ACACA: variants seen among roughly 807,000 people sequenced by gnomAD.
ACACA encodes the protein acetyl-CoA carboxylase alpha.
A neutral mutation model predicts 296.1 loss-of-function variants in ACACA; 103 were observed. The ratio of observed to expected loss-of-function variants is 0.35; its 90% CI spans 0.30 to 0.41. The LOEUF is 0.41. Ranked by LOEUF, ACACA falls within the 10% of genes least tolerant of loss-of-function variation. ACACA has a pLI of 1.00. For missense variants in ACACA, 1,554 were observed against 2,989.7 expected, an observed-to-expected ratio of 0.52 and a Z score of 11.20; for synonymous variants, 953 against 1,038.6, an observed-to-expected ratio of 0.92 and a Z score of 1.58.
At chr17:37,247,096 G>C in intron 18 of ACACA, 120 bp from the exon 19 acceptor site, 1 of 1,069,974 alleles carries the variant, frequency 9.3e-7, no homozygotes, top group Non-Finnish European at 1.4e-6. Flanking sequence ...CACACACACA[G>C]ACATATTCAC....
At chr17:37,320,599 G>A (rs1404438960) in intron 3 of ACACA, among the ~76,000 whole-genome samples, 1 of 151,688 alleles carries the variant, frequency 6.6e-6, no homozygotes, top group African/African-American at 2.4e-5. Flanking sequence ...CAATACCCAA[G>A]CTGGCCACCT....
intron 45 of ACACA, among the ~76,000 whole-genome samples, chr17:37,137,932 C>T (rs570934926): frequency 6.6e-6 from 1 of 152,306 alleles, no homozygotes; most frequent in South Asian, 2.1e-4. Context: ...GTCTTGACTT[C>T]TCATATTTGC....
At chr17:37,299,291 G>C in intron 3 of ACACA, 1 of 1,613,708 alleles carries the variant, frequency 6.2e-7, no homozygotes, top group Non-Finnish European at 8.5e-7. Flanking sequence ...TTTGAAGCAT[G>C]TAATATCTCA....
At chr17:37,087,554 C>T in intron 55 of ACACA, 115 bp from the exon 56 acceptor site, 1 of 1,246,152 alleles carries the variant, frequency 8.0e-7, no homozygotes, top group South Asian at 1.3e-5. Context: ...ACATTTTAGT[C>T]ACGCCTCACC....
intron 1 of ACACA, among the ~76,000 whole-genome samples, chr17:37,364,739 A>G (rs1373098032): frequency 6.6e-6 from 1 of 152,154 alleles, no homozygotes; most frequent in Non-Finnish European, 1.5e-5. Context: ...TTGGGATATT[A>G]TTTCCTGCTG....
chr17:37,167,473 C>T (rs2076723102), intron 41 of ACACA, among the ~76,000 whole-genome samples: 1 of 150,580 alleles, frequency 6.6e-6, no homozygotes, highest in South Asian at 2.1e-4. Context: ...CACGTAACAC[C>T]ACGCCCGGCT....
intron 35 of ACACA, among the ~76,000 whole-genome samples, chr17:37,199,407 T>C (rs934047540): frequency 6.6e-6 from 1 of 152,224 alleles, no homozygotes; most frequent in Admixed American, 6.5e-5. Flanking sequence ...GTTGTCACTG[T>C]ACTGGGTATG....
At chr17:37,377,004 G>A (rs563581856) in intron 1 of ACACA, among the ~76,000 whole-genome samples, 24 of 152,146 alleles carry the variant, frequency 1.6e-4, no homozygotes, top group Middle Eastern at 3.4e-3. Context: ...TCAGAATTAA[G>A]ACCAAATGGC....
intron 10 of ACACA, among the ~76,000 whole-genome samples, chr17:37,269,559 T>C (rs866635841): frequency 6.6e-6 from 1 of 152,144 alleles, no homozygotes; most frequent in South Asian, 2.1e-4. Flanking sequence ...TGAAAAACAA[T>C]AGCTGTATGG....
intron 29 of ACACA, among the ~76,000 whole-genome samples, chr17:37,217,917 A>C (rs1415890617): frequency 6.6e-6 from 1 of 151,858 alleles, no homozygotes; most frequent in Non-Finnish European, 1.5e-5. Flanking sequence ...GGGGAAAAAA[A>C]AATTGGTTTG....
chr17:37,181,167 A>G, intron 40 of ACACA, 34 bp downstream of exon 40: 1 of 1,613,072 alleles, frequency 6.2e-7, no homozygotes, highest in Non-Finnish European at 8.5e-7. Context: ...TTGCCTCCTT[A>G]GAACATGTCA....
chr17:37,268,737 CTATCTATATA>C (rs1375036329), intron 10 of ACACA, among the ~76,000 whole-genome samples: 117 of 70,932 alleles, frequency 1.6e-3, no homozygotes, highest in African/African-American at 4.0e-3. Context: ...ATCTATCTAT[CTATCTATATA>C]TATATATATA....
chr17:37,348,133 T>A (rs567174805), intron 1 of ACACA, among the ~76,000 whole-genome samples: 1 of 150,122 alleles, frequency 6.7e-6, no homozygotes, highest in South Asian at 2.1e-4. Context: ...CCTGGGTGAC[T>A]GAGTGAGACT....
At chr17:37,353,637 TAAAAAAAAAAAA>T (rs1169088763) in intron 1 of ACACA, among the ~76,000 whole-genome samples, 3 of 56,662 alleles carry the variant, frequency 5.3e-5, no homozygotes, top group African/African-American at 7.8e-5. Flanking sequence ...AGACTCCGTC[TAAAAAAAAAAAA>T]AAAAAAAAAA....
chr17:37,216,402 GA>G (rs947403830), intron 29 of ACACA, among the ~76,000 whole-genome samples: 4 of 151,376 alleles, frequency 2.6e-5, no homozygotes, highest in African/African-American at 7.3e-5. Flanking sequence ...ACAGTCCCCA[GA>G]AAAAAAATTT....
intron 29 of ACACA, among the ~76,000 whole-genome samples, chr17:37,221,230 T>C (rs2079273631): frequency 6.6e-6 from 1 of 152,238 alleles, no homozygotes; most frequent in South Asian, 2.1e-4. Context: ...TTCTGCAATG[T>C]AATTTTTAAA....
Position 37,299,656 on chromosome 17 carries a change from A to G in ACACA, c.339-14686T>C, listed in dbSNP as rs557600545. 5 of 1,104,564 alleles carry G rather than the reference A, an allele frequency of 4.5e-6. No homozygotes were observed. The South Asian group carries it at 1.3e-4, about 29-fold the overall frequency. 68.4% of individuals were successfully genotyped at this position (1,104,564 alleles called of 1,614,324 possible). The stretch of plus-strand genomic sequence containing the variant: ...GGGGAGAAATATAAAAGCTTGTTTA[A>G]CTAGAAAGTAGATCTTAGCAGCTCT... On this transcript the variant is annotated intron_variant, in intron 3 of 55. Coordinates refer to ENST00000616317, the MANE Select transcript of ACACA (RefSeq NM_198834.3).
chr17:37,126,191 TTTTG>T (rs1214731862), intron 47 of ACACA, among the ~76,000 whole-genome samples: 6 of 152,244 alleles, frequency 3.9e-5, no homozygotes, highest in Non-Finnish European at 8.8e-5. Context: ...TGCCTTACAA[TTTTG>T]TTTGATTCCA....
intron 45 of ACACA, chr17:37,140,919 AG>A: frequency 3.1e-6 from 1 of 318,900 alleles, no homozygotes; most frequent in East Asian, 8.5e-5. Flanking sequence ...GCACCAGCAC[AG>A]AGCCACAGCC....
Sources: gnomAD v4.1 joint callset for allele counts (sites outside exome capture counted in the v4.1 genomes callset) on GRCh38, gnomAD v4.1.1 for gene constraint, MANE v1.5 for transcripts, NCBI Gene and HGNC (gene_info 2026-07-23, HGNC 2026-07-21) for gene names.